KMT2C: variants seen among roughly 807,000 people sequenced by gnomAD.
The protein encoded by KMT2C is histone-lysine N-methyltransferase 2C.
Under a neutral mutation model 507.9 loss-of-function variants are expected in KMT2C, and 88 were observed. That is an observed-to-expected ratio of 0.17 (90% CI 0.15 to 0.21). The LOEUF (loss-of-function observed/expected upper bound fraction) is 0.21. KMT2C is among the 10% of genes least tolerant of loss of function. KMT2C has a pLI of 1.00. For synonymous variants in KMT2C, 2,049 were observed against 2,080.8 expected (o/e 0.98, Z 0.42); for missense variants, 4,954 against 5,957.8 (o/e 0.83, Z 5.55).
rs1278339836 is a variant in KMT2C, at chr7:152,182,414, T to G, written c.5446A>C (p.Asn1816His). Reference sequence around the variant, plus strand: ...GACTGTGCAGGAGACATATTTCCATTGCCAGGCTGAGGTGTCAAGGGACTC... The same window carrying G: ...GACTGTGCAGGAGACATATTTCCATGGCCAGGCTGAGGTGTCAAGGGACTC... ...IQSPLTPQPG[N>H]GNMSPAQSFH... Residue 1816 changes from asparagine to histidine, a missense_variant, in exon 36 of 59, where the codon AAT becomes CAT. Asn to His is a moderately conservative substitution (Grantham distance 68, BLOSUM62 1). Around this residue, in one of 29 missense-constraint regions of KMT2C, gnomAD observed 1,689 missense variants for 1,654.3 expected, o/e 1.02. Transcript: ENST00000262189. 1.2e-6 allele frequency: 2 copies of G among 1,613,616 alleles called. No homozygotes were observed. Among genetic ancestry groups the G allele is most frequent in the Non-Finnish European group, 1.7e-6 (2 of 1,179,738 alleles).
intron 2 of KMT2C, among the ~76,000 whole-genome samples, chr7:152,340,993 T>C (rs907167905): frequency 1.1e-4 from 16 of 152,238 alleles, no homozygotes; most frequent in African/African-American, 3.9e-4. Flanking sequence ...ACATAACTTT[T>C]AAATGTTAAT....
Position 152,154,099 on chromosome 7 carries a change from A to G in KMT2C, c.12187T>C (p.Tyr4063His), listed in dbSNP as rs377630495. The G allele has an allele frequency of 6.2e-7, 1 of 1,614,200 alleles. No homozygotes were observed. Among genetic ancestry groups the G allele is most frequent in the Non-Finnish European group, 8.5e-7 (1 of 1,180,004 alleles). ...GAAGGACCAAAAGGTGACGCAAAAT[A>G]TAAAGTGCCTGGCTCAGTTTTGATG... ...NDIKTEPGTL[Y>H]FASPFGPSPN... Residue 4063 changes from tyrosine to histidine, a missense_variant, in exon 48 of 59, where the codon TAT becomes CAT. Around this residue, in one of 29 missense-constraint regions of KMT2C, gnomAD observed 417 missense variants for 461.1 expected, o/e 0.90. Coordinates refer to ENST00000262189, the MANE Select transcript of KMT2C (RefSeq NM_170606.3).
Position 152,189,592 on chromosome 7 carries a change from C to T in KMT2C, c.4661-1745G>A, listed in dbSNP as rs371031281. On this transcript the variant is annotated intron_variant, in intron 31 of 58. Transcript: ENST00000262189. ...AAACCACATCATTTGAATGTTACAA[C>T]ACTAAAACCTACATAGCTCCAGTAT... 3.9e-5 allele frequency among the ~76,000 whole-genome samples: 6 copies of T among 152,202 alleles called. No individual in the cohort carries two copies. The East Asian group carries it at 9.6e-4, about 24-fold the overall frequency.
At chr7:152,193,016 A>C (rs2093850181) in intron 31 of KMT2C, among the ~76,000 whole-genome samples, 1 of 152,096 alleles carries the variant, frequency 6.6e-6, no homozygotes, top group African/African-American at 2.4e-5. Context: ...CTCTGCAAAA[A>C]ATCAAAAAAT....
At chr7:152,360,981 T>C (rs2097192508) in intron 1 of KMT2C, among the ~76,000 whole-genome samples, 1 of 151,992 alleles carries the variant, frequency 6.6e-6, no homozygotes, top group African/African-American at 2.4e-5. Context: ...CAACAAACAT[T>C]GTCAAAAACT....
intron 53 of KMT2C, 62 bp from the exon 54 acceptor site, chr7:152,145,357 A>C: frequency 1.3e-6 from 2 of 1,536,766 alleles, no homozygotes; most frequent in Non-Finnish European, 8.9e-7. Flanking sequence ...GACAATCTCA[A>C]GCTGGTCAAA....
At chr7:152,268,525 C>A (rs184172579) in intron 7 of KMT2C, among the ~76,000 whole-genome samples, 1 of 151,742 alleles carries the variant, frequency 6.6e-6, no homozygotes. Context: ...CTGCTAAAAT[C>A]ACTTTTAAAT....
chr7:152,263,253 G>A (rs987408037), intron 8 of KMT2C, 123 bp from the exon 9 acceptor site: 1 of 750,634 alleles, frequency 1.3e-6, no homozygotes, highest in Non-Finnish European at 2.1e-6. Flanking sequence ...TATCTGTTTT[G>A]TCTCTGCAGA....
chr7:152,320,974 C>A (rs1429479758), intron 3 of KMT2C, among the ~76,000 whole-genome samples: 1 of 151,980 alleles, frequency 6.6e-6, no homozygotes, highest in African/African-American at 2.4e-5. Context: ...TGGCTCATGC[C>A]TATAATTCCA....
chr7:152,147,780 A>G (rs2091284580), intron 52 of KMT2C, among the ~76,000 whole-genome samples: 2 of 151,944 alleles, frequency 1.3e-5, no homozygotes, highest in African/African-American at 4.8e-5. Flanking sequence ...GGCAACCTTT[A>G]TCTACAAATC....
chr7:152,214,970 T>G (rs557992476), intron 23 of KMT2C, among the ~76,000 whole-genome samples: 1 of 151,490 alleles, frequency 6.6e-6, no homozygotes, highest in African/African-American at 2.4e-5. Flanking sequence ...ACACAGAGAG[T>G]AACTATGGAA....
intron 7 of KMT2C, among the ~76,000 whole-genome samples, chr7:152,265,523 C>G (rs926722527): frequency 1.3e-5 from 2 of 152,082 alleles, no homozygotes; most frequent in African/African-American, 4.8e-5. Context: ...CTAATTAATG[C>G]TCAATATATG....
intron 14 of KMT2C, among the ~76,000 whole-genome samples, chr7:152,246,824 G>A (rs185845968): frequency 9.1e-4 from 138 of 152,240 alleles, no homozygotes; most frequent in African/African-American, 3.1e-3. Context: ...TACTGCACAC[G>A]TCTTTTGCCA....
chr7:152,161,142 A>G (rs2092434946), intron 43 of KMT2C, among the ~76,000 whole-genome samples: 1 of 152,170 alleles, frequency 6.6e-6, no homozygotes, highest in Non-Finnish European at 1.5e-5. Context: ...AGAGTTGCCT[A>G]TATTTACTGG....
chr7:152,330,841 CAACAAAT>C (rs2096875396), intron 2 of KMT2C, 102 bp from the exon 3 acceptor site: 3 of 1,059,256 alleles, frequency 2.8e-6, no homozygotes, highest in Non-Finnish European at 4.1e-6. Context: ...TAAAAAGAAA[CAACAAAT>C]AACAATATTT....
chr7:152,261,335 G>A (rs115200495), intron 9 of KMT2C, among the ~76,000 whole-genome samples: 1 of 151,850 alleles, frequency 6.6e-6, no homozygotes, highest in South Asian at 2.1e-4. Context: ...ACAGCCACAA[G>A]GTATTTGTTT....
At chr7:152,319,158 C>T (rs567367247) in intron 3 of KMT2C, among the ~76,000 whole-genome samples, 14 of 152,236 alleles carry the variant, frequency 9.2e-5, no homozygotes, top group African/African-American at 3.1e-4. Flanking sequence ...TTTCTGTGGG[C>T]AGCAAGCCAC....
At chr7:152,386,231 A>G in intron 1 of KMT2C, among the ~76,000 whole-genome samples, 1 of 151,664 alleles carries the variant, frequency 6.6e-6, no homozygotes, top group Non-Finnish European at 1.5e-5. Context: ...AAAAGGGACA[A>G]TAGTAGTCTT....
In KMT2C at chr7:152,296,067, CAAAAAA is replaced by C. The variant is rs34144566; in HGVS notation, c.849+13893_849+13898del. ...TGGGCAACAGAACGAGACTCCGTCT[CAAAAAA>C]AAAAAAAAAAAAAAAAAGATATGAA... On this transcript the variant is annotated intron_variant, in intron 6 of 58. Coordinates refer to ENST00000262189, the MANE Select transcript of KMT2C (RefSeq NM_170606.3). Among the ~76,000 whole-genome samples the C allele has an allele frequency of 6.6e-5, 3 of 45,430 alleles. No homozygotes were observed. In the Admixed American group the frequency reaches 7.6e-4, roughly 12 times the overall value. The allele number at this position is 45,430 out of a possible 152,430, so 29.8% of individuals were successfully genotyped here. A position where few individuals can be genotyped will look rare whatever the true frequency, so the allele number is the denominator to read the frequency against.
Sources: allele counts gnomAD v4.1 joint callset (sites outside exome capture counted in the v4.1 genomes callset), GRCh38; gene constraint gnomAD v4.1.1; regional missense constraint gnomAD v4.1.1; transcripts MANE v1.5; gene names NCBI Gene and HGNC (gene_info 2026-07-23, HGNC 2026-07-21).